Variants in MRPS28 observed in about 807,000 individuals in gnomAD.
The protein encoded by MRPS28 is mitochondrial ribosomal protein S28, also known as small ribosomal subunit protein bS1m.
In MRPS28, 7 loss-of-function variants were observed where a neutral mutation model predicts 10.8. The ratio of observed to expected loss-of-function variants is 0.65; its 90% CI spans 0.37 to 1.22. The LOEUF is 1.22. Among genes scored for constraint, MRPS28 ranks in the 50% most tolerant of loss-of-function variants. The pLI, the probability that MRPS28 is intolerant of heterozygous loss-of-function variation, is 0.02. For missense variants in MRPS28, 265 were observed against 232.9 expected (o/e 1.14, Z -0.90); for synonymous variants, 121 against 93.3 (o/e 1.30, Z -1.71).
At chr8:79,922,360 T>G (rs929173128) in intron 2 of MRPS28, among the ~76,000 whole-genome samples, 3 of 152,130 alleles carry the variant, frequency 2.0e-5, no homozygotes, top group Admixed American at 1.3e-4. Flanking sequence ...AGTCAAAGGA[T>G]ACAAAATTTC....
intron 1 of MRPS28, among the ~76,000 whole-genome samples, chr8:80,019,169 C>T (rs576152951): frequency 7.9e-5 from 12 of 151,800 alleles, no homozygotes; most frequent in African/African-American, 2.9e-4. Context: ...AATTATTTAA[C>T]TGTATATTTA....
At chr8:79,992,247 AC>A (rs1176099580) in intron 2 of MRPS28, among the ~76,000 whole-genome samples, 1 of 152,204 alleles carries the variant, frequency 6.6e-6, no homozygotes, top group Non-Finnish European at 1.5e-5. Flanking sequence ...GTGAGATAAT[AC>A]ATGTTTATTG....
intron 2 of MRPS28, among the ~76,000 whole-genome samples, chr8:79,959,982 C>G (rs1400423976): frequency 6.6e-6 from 1 of 152,084 alleles, no homozygotes; most frequent in East Asian, 1.9e-4. Flanking sequence ...ACGGATTATT[C>G]CCAAACCTCA....
intron 2 of MRPS28, among the ~76,000 whole-genome samples, chr8:79,931,138 C>A (rs1240156568): frequency 6.6e-6 from 1 of 151,944 alleles, no homozygotes; most frequent in Non-Finnish European, 1.5e-5. Flanking sequence ...TAAAGTAAGA[C>A]AAAACAGGGT....
At chr8:79,940,907 T>C (rs1806749918) in intron 2 of MRPS28, among the ~76,000 whole-genome samples, 1 of 152,232 alleles carries the variant, frequency 6.6e-6, no homozygotes, top group Non-Finnish European at 1.5e-5. Flanking sequence ...GCAACATTGA[T>C]TTTTATTTCA....
At chr8:79,993,904 G>A (rs1808427925) in intron 2 of MRPS28, among the ~76,000 whole-genome samples, 1 of 152,096 alleles carries the variant, frequency 6.6e-6, no homozygotes, top group Admixed American at 6.6e-5. Flanking sequence ...ACAAAGATGG[G>A]AAAATTAGCT....
intron 1 of MRPS28, among the ~76,000 whole-genome samples, chr8:80,009,153 T>C (rs575252757): frequency 5.3e-5 from 8 of 152,240 alleles, no homozygotes; most frequent in Admixed American, 1.3e-4. Flanking sequence ...GAAACCATCA[T>C]TCTCAGCAAA....
chr8:79,986,640 C>G (rs1350229403), intron 2 of MRPS28, among the ~76,000 whole-genome samples: 1 of 151,932 alleles, frequency 6.6e-6, no homozygotes, highest in Non-Finnish European at 1.5e-5. Flanking sequence ...AACAGACAAA[C>G]AGAGAGCCAA....
chr8:79,985,753 A>G (rs1005335202), intron 2 of MRPS28, among the ~76,000 whole-genome samples: 2 of 152,166 alleles, frequency 1.3e-5, no homozygotes, highest in Admixed American at 1.3e-4. Flanking sequence ...GAATAGACCA[A>G]TAACAGGCTC....
chr8:79,998,065 A>G (rs531952183), intron 2 of MRPS28, among the ~76,000 whole-genome samples: 34 of 151,750 alleles, frequency 2.2e-4, no homozygotes, highest in East Asian at 7.7e-4. Flanking sequence ...AAAAAAAAAA[A>G]AAAGAAAGAA....
At position 79,962,540 on chromosome 8, in the gene MRPS28, G is replaced by A. The variant is rs188158281; in HGVS notation, c.395+40459C>T. On this transcript the variant is annotated intron_variant, in intron 2 of 2. Coordinates refer to ENST00000276585, the MANE Select transcript of MRPS28 (RefSeq NM_014018.3). ...AGGTTACAAGGTCTTAAAACTTTTC[G>A]TCTATGTCCTACAACAGTTTCACTC... 7.2e-4 allele frequency among the ~76,000 whole-genome samples: 109 copies of A among 152,144 alleles called. No homozygotes were observed. In the South Asian group the frequency reaches 7.3e-3, roughly 10 times the overall value.
At chr8:79,979,499 T>G (rs545973551) in intron 2 of MRPS28, among the ~76,000 whole-genome samples, 18 of 152,230 alleles carry the variant, frequency 1.2e-4, no homozygotes, top group Admixed American at 6.5e-4. Context: ...AAATAAAAAA[T>G]AAATTTTAAA....
chr8:80,016,642 G>A (rs1466650677), intron 1 of MRPS28, among the ~76,000 whole-genome samples: 1 of 152,128 alleles, frequency 6.6e-6, no homozygotes, highest in Admixed American at 6.5e-5. Context: ...GAAGGAATAT[G>A]TGAAGGTAAA....
intron 2 of MRPS28, among the ~76,000 whole-genome samples, chr8:79,949,133 C>T (rs78250113): frequency 0.017 from 2,520 of 152,002 alleles, 64 homozygotes; most frequent in African/African-American, 0.055. Flanking sequence ...AACTAATCTG[C>T]GGCTCGGTGC....
intron 2 of MRPS28, chr8:79,958,217 A>G: frequency 1.8e-6 from 1 of 551,428 alleles, no homozygotes; most frequent in Non-Finnish European, 3.2e-6. Context: ...GTCTCTGTGG[A>G]TTTGTCTATT....
At chr8:79,949,650 G>A (rs548781189) in intron 2 of MRPS28, among the ~76,000 whole-genome samples, 28 of 152,030 alleles carry the variant, frequency 1.8e-4, no homozygotes, top group East Asian at 7.7e-4. Flanking sequence ...TACAGTTCCC[G>A]GTATATCTAC....
intron 2 of MRPS28, among the ~76,000 whole-genome samples, chr8:79,977,272 T>C (rs1020970222): frequency 1.3e-5 from 2 of 152,148 alleles, no homozygotes; most frequent in Non-Finnish European, 2.9e-5. Flanking sequence ...TTTAAATACT[T>C]AGAGAATTTC....
At chr8:79,920,447 C>T (rs1008643724) in intron 2 of MRPS28, among the ~76,000 whole-genome samples, 12 of 152,212 alleles carry the variant, frequency 7.9e-5, no homozygotes, top group Admixed American at 1.3e-4. Flanking sequence ...TCCTCTCCAG[C>T]ACCTGTTGTT....
intron 1 of MRPS28, among the ~76,000 whole-genome samples, chr8:80,014,587 G>C (rs1384584979): frequency 6.6e-6 from 1 of 152,130 alleles, no homozygotes; most frequent in Middle Eastern, 3.2e-3. Context: ...CTGTGCTGCT[G>C]TTTACTCATC....
Sources: allele counts gnomAD v4.1 joint callset (sites outside exome capture counted in the v4.1 genomes callset), GRCh38; gene constraint gnomAD v4.1.1; transcripts MANE v1.5; gene names NCBI Gene and HGNC (gene_info 2026-07-23, HGNC 2026-07-21).